The following PCDHA8 variants were observed in gnomAD, a reference collection of about 807,000 sequenced individuals.
The protein encoded by PCDHA8 is protocadherin alpha 8, also known as protocadherin alpha-8.
Under a neutral mutation model 61.8 loss-of-function variants are expected in PCDHA8, and 53 were observed. That is an observed-to-expected ratio of 0.86 (90% CI 0.69 to 1.08). PCDHA8 has a LOEUF of 1.08. Among genes scored for constraint, PCDHA8 ranks in the 50% least tolerant of loss-of-function variants. The pLI, the probability that PCDHA8 is intolerant of heterozygous loss-of-function variation, is 0.00. For missense variants in PCDHA8, 1,293 were observed against 1,245.0 expected (o/e 1.04, Z -0.58); for synonymous variants, 618 against 556.6 (o/e 1.11, Z -1.55).
chr5:140,850,154 G>A, intron 1 of PCDHA8: 1 of 1,595,410 alleles, frequency 6.3e-7, no homozygotes, highest in Non-Finnish European at 8.6e-7. Context: ...CGCTGCAGGT[G>A]TTCGTGCTGG....
intron 1 of PCDHA8, among the ~76,000 whole-genome samples, chr5:140,951,086 T>A (rs2094547457): frequency 6.6e-6 from 1 of 152,066 alleles, no homozygotes; most frequent in Admixed American, 6.5e-5. Context: ...ATTTTCCTTT[T>A]TTTCTGATAA....
In PCDHA8 at chr5:140,968,377, T is replaced by C. The variant is rs1461765123; in HGVS notation, c.2395-10572T>C. 2.5e-6 allele frequency: 4 copies of C among 1,613,962 alleles called. No individual in the cohort carries two copies. In the African/African-American group the frequency reaches 4.0e-5, roughly 16 times the overall value. ...GCAGCCTTTATGCTGTCAACTCCTT[T>C]GACTATGAGAAGTTTCGGGAGTTCT... On this transcript the variant is annotated intron_variant, in intron 1 of 3. Transcript: ENST00000531613.
intron 1 of PCDHA8, chr5:140,966,644 GCGTGAGCGGT>G (rs1554228519): frequency 3.3e-5 from 37 of 1,127,012 alleles, no homozygotes; most frequent in Non-Finnish European, 4.3e-5. Flanking sequence ...GCTTTCTAGA[GCGTGAGCGGT>G]GGGGGAGCAG....
chr5:140,981,940 T>A (rs2096958372), intron 2 of PCDHA8, among the ~76,000 whole-genome samples: 1 of 152,160 alleles, frequency 6.6e-6, no homozygotes, highest in Non-Finnish European at 1.5e-5. Flanking sequence ...TCAGGAAATA[T>A]AGGGTGGGTC....
At chr5:140,862,877 G>A (rs782429840) in intron 1 of PCDHA8, 3 of 567,440 alleles carry the variant, frequency 5.3e-6, no homozygotes, top group African/African-American at 3.8e-5. Context: ...CCAGGTATTA[G>A]TGCTGGAACG....
chr5:140,966,859 G>A, intron 1 of PCDHA8: 1 of 1,577,136 alleles, frequency 6.3e-7, no homozygotes. Flanking sequence ...TCCTGCTGCT[G>A]TTGCTGCTGC....
At chr5:140,868,922 C>A in intron 1 of PCDHA8, 2 of 1,015,106 alleles carry the variant, frequency 2.0e-6, no homozygotes, top group Non-Finnish European at 2.8e-6. Flanking sequence ...GTGGAAAGTT[C>A]ATTTAAAGGT....
intron 3 of PCDHA8, among the ~76,000 whole-genome samples, chr5:140,989,538 T>TAAA (rs2097347158): frequency 6.6e-6 from 1 of 152,180 alleles, no homozygotes; most frequent in Non-Finnish European, 1.5e-5. Flanking sequence ...GAAGATAGTT[T>TAAA]GTAATTCCTT....
intron 1 of PCDHA8, chr5:140,848,580 G>A: frequency 6.3e-7 from 1 of 1,595,144 alleles, no homozygotes; most frequent in Non-Finnish European, 8.6e-7. Flanking sequence ...GGTGGGGAGC[G>A]GCCAGCTCCA....
Position 140,841,373 on chromosome 5 carries a change from C to T in PCDHA8, c.52C>T (p.Leu18Phe). 6.2e-7 allele frequency: 1 copy of T among 1,613,502 alleles called. No homozygotes were observed. The highest frequency in any genetic ancestry group is 2.2e-5 in the East Asian group (1 of 44,868). The change falls in exon 1 of 4, where the codon CTT (leucine) becomes TTT (phenylalanine). Residue 18 changes from leucine (L) to phenylalanine (F), a missense_variant. Leu to Phe is a conservative substitution (Grantham distance 22). Transcript: ENST00000531613. ...ELGSWRLLLL[L>F]LLLAAWKVGS... The stretch of plus-strand genomic sequence containing the variant: ...GGGATCCTGGCGACTACTACTCTTG[C>T]TTCTGCTCCTCGCAGCCTGGAAGGT...
intron 1 of PCDHA8, chr5:140,877,946 C>T (rs996993086): frequency 3.2e-5 from 43 of 1,349,440 alleles, no homozygotes; most frequent in Non-Finnish European, 4.0e-5. Context: ...TTTAAACTAT[C>T]GAATGTCTCA....
intron 1 of PCDHA8, chr5:140,857,643 T>C (rs1406049950): frequency 4.4e-6 from 7 of 1,596,508 alleles, no homozygotes; most frequent in Non-Finnish European, 5.1e-6. Flanking sequence ...CTGCTACAGT[T>C]CCAGGTGAGC....
intron 1 of PCDHA8, chr5:140,881,964 A>G (rs1297923565): frequency 8.1e-6 from 3 of 368,944 alleles, no homozygotes; most frequent in East Asian, 9.0e-5. Context: ...TTAATCTTCA[A>G]TTACATATTT....
intron 1 of PCDHA8, chr5:140,967,771 G>A (rs1554229926): frequency 1.2e-6 from 2 of 1,614,222 alleles, no homozygotes; most frequent in Non-Finnish European, 1.7e-6. Context: ...AGATCTATGT[G>A]CAGGCGACTG....
chr5:140,952,724 C>G (rs1481919445), intron 1 of PCDHA8, among the ~76,000 whole-genome samples: 1 of 152,100 alleles, frequency 6.6e-6, no homozygotes, highest in Non-Finnish European at 1.5e-5. Context: ...ATTTTCTGTA[C>G]TAGTCTTTTC....
chr5:140,911,444 C>T (rs13161603), intron 1 of PCDHA8, among the ~76,000 whole-genome samples: 2,752 of 152,248 alleles, frequency 0.018, 47 homozygotes, highest in South Asian at 0.1. Context: ...CCCGCAATTT[C>T]AGCTCTTTCT....
chr5:140,969,418 TTAACAG>T (rs782375088), intron 1 of PCDHA8: 40 of 1,564,272 alleles, frequency 2.6e-5, no homozygotes, highest in Non-Finnish European at 3.4e-5. Context: ...TATTGAGTCA[TTAACAG>T]TGACAAGAGT....
At chr5:140,854,631 G>T (rs373536386) in intron 1 of PCDHA8, 1 of 149,874 alleles carries the variant, frequency 6.7e-6, no homozygotes, top group African/African-American at 2.4e-5. Context: ...CTTTAGAAAA[G>T]TCAAAACATC....
intron 1 of PCDHA8, among the ~76,000 whole-genome samples, chr5:140,971,090 T>G (rs1554233007): frequency 1.3e-5 from 2 of 152,204 alleles, no homozygotes. Context: ...TAACAAATTC[T>G]TGTGAAGCCC....
Sources: allele counts gnomAD v4.1 joint callset (sites outside exome capture counted in the v4.1 genomes callset), GRCh38; gene constraint gnomAD v4.1.1; transcripts MANE v1.5; gene names NCBI Gene and HGNC (gene_info 2026-07-23, HGNC 2026-07-21).